Variants in SCARF1 observed in about 807,000 individuals in gnomAD.
SCARF1 encodes the protein acetyl LDL receptor.
In SCARF1, 49 loss-of-function variants were observed where a neutral mutation model predicts 76.3. The observed-to-expected ratio is 0.64, with a 90% confidence interval of 0.51 to 0.81. The LOEUF (loss-of-function observed/expected upper bound fraction) is 0.81. Ranked by LOEUF, SCARF1 falls within the 40% of genes least tolerant of loss-of-function variation. The pLI, the probability that SCARF1 is intolerant of heterozygous loss-of-function variation, is 0.00. For synonymous variants in SCARF1, 495 were observed against 474.6 expected (o/e 1.04, Z -0.56); for missense variants, 1,098 against 1,143.9 (o/e 0.96, Z 0.58).
chr17:1,644,531 T>C lies in SCARF1; in HGVS notation c.265+303A>G. ...CCACTGCCCATGTATAAGGTATATG[T>C]GGGAAAGGCAAGTAATACACTCATT... On this transcript the variant is annotated intron_variant, in intron 3 of 10. Coordinates refer to ENST00000263071, the MANE Select transcript of SCARF1 (RefSeq NM_003693.4). The surrounding 1 kb of genome is among the most constrained non-coding windows in gnomAD (Gnocchi z 4.8). 1.9e-6 allele frequency: 1 copy of C among 537,526 alleles called. No homozygotes were observed. The allele number at this position is 537,526 out of a possible 1,614,324, so 33.3% of individuals were successfully genotyped here.
At position 1,634,670 on chromosome 17, in the gene SCARF1, G is replaced by A. The variant is rs542511682; in HGVS notation, c.*88C>T. The A allele has an allele frequency of 6.8e-7, 1 of 1,477,042 alleles. No homozygotes were observed. The highest frequency in any genetic ancestry group is 1.8e-4 in the Middle Eastern group (1 of 5,520). 91.5% of individuals were successfully genotyped at this position (1,477,042 alleles called of 1,614,324 possible). A position where few individuals can be genotyped will look rare whatever the true frequency, so the allele number is the denominator to read the frequency against. ...TTCCCTGTGGAGGCGCAGAGGCTCT[G>A]GTTTGTCTGTCCTGGCCCCGGGATC... is the stretch of plus-strand genomic sequence containing the variant. On this transcript the variant is annotated 3_prime_UTR_variant, in exon 11 of 11. Transcript: ENST00000263071.
chr17:1,638,964 T>C (rs775464842), intron 7 of SCARF1, 38 bp from the exon 8 acceptor site: 12 of 1,546,246 alleles, frequency 7.8e-6, no homozygotes, highest in Non-Finnish European at 1.1e-5. Context: ...CAGGCCTTCC[T>C]GTCTCCTACA....
rs1037157785 is a variant in SCARF1, at chr17:1,645,053, G to A, written c.164-118C>T. On this transcript the variant is annotated intron_variant, in intron 2 of 10. Coordinates refer to ENST00000263071, the MANE Select transcript of SCARF1 (RefSeq NM_003693.4). The surrounding 1 kb of genome is among the most constrained non-coding windows in gnomAD (Gnocchi z 6.3). The stretch of plus-strand genomic sequence containing the variant: ...GAGGTGCCCCTTCAGGCCTGGGGGT[G>A]CGTCACAGGAGAAACCCTGACTCCT... 1.2e-5 allele frequency: 19 copies of A among 1,520,590 alleles called. No homozygotes were observed. Among genetic ancestry groups the A allele is most frequent in the African/African-American group, 5.5e-5 (4 of 73,000 alleles). The allele number at this position is 1,520,590 out of a possible 1,614,324, so 94.2% of individuals were successfully genotyped here.
At chr17:1,639,786 G>A (rs372867309) in intron 6 of SCARF1, 44 bp from the exon 7 acceptor site, 2 of 1,603,852 alleles carry the variant, frequency 1.2e-6, no homozygotes, top group South Asian at 1.1e-5. Context: ...TGGGTGAAGT[G>A]GGGGAGGCAG....
In SCARF1 at chr17:1,644,967, G is replaced by T; in HGVS notation, c.164-32C>A. ...GACACCCCACCCAGGTTGGAAAGACGGGAGCAGGACCAGGGGACACCCCTG... is the reference window on the plus strand; with the variant it reads ...GACACCCCACCCAGGTTGGAAAGACTGGAGCAGGACCAGGGGACACCCCTG... On this transcript the variant is annotated intron_variant, in intron 2 of 10. Coordinates refer to ENST00000263071, the MANE Select transcript of SCARF1 (RefSeq NM_003693.4). The surrounding 1 kb of genome is among the most constrained non-coding windows in gnomAD (Gnocchi z 4.8). The T allele has an allele frequency of 6.2e-7, 1 of 1,604,456 alleles. No individual in the cohort carries two copies.
In SCARF1 at chr17:1,640,020, G is replaced by A. The variant is rs528603099; in HGVS notation, c.1031C>T (p.Thr344Ile). ...GCCACAGTCTTCCCCAAAGGTACCA[G>A]TGGGGCAGGGGTCTTCACACCTGGG... ...LGPRCEDPCP[T>I]GTFGEDCGST... Residue 344 changes from threonine to isoleucine, a missense_variant, in exon 6 of 11, where the codon ACT (threonine) becomes ATT (isoleucine). Thr to Ile is a moderately conservative substitution (Grantham distance 89). Coordinates refer to ENST00000263071, the MANE Select transcript of SCARF1 (RefSeq NM_003693.4). The surrounding 1 kb of genome is among the most constrained non-coding windows in gnomAD (Gnocchi z 4.7). 8.7e-6 allele frequency: 14 copies of A among 1,613,664 alleles called. No individual in the cohort carries two copies. Among genetic ancestry groups the A allele is most frequent in the Non-Finnish European group, 1.1e-5 (13 of 1,179,970 alleles).
At position 1,643,685 on chromosome 17, in the gene SCARF1, G is replaced by A. The variant is rs1336750600; in HGVS notation, c.548C>T (p.Pro183Leu). ...GCTGCAGCGGCGCCCCCACCAGCCC[G>A]GCTTGCACACGCAGGCGCCCGTGGC... ...EQATGACVCK[P>L]GWWGRRCSFR... The change falls in exon 4 of 11, where the codon CCG becomes CTG. Residue 183 changes from proline to leucine, a missense_variant. Pro to Leu is a moderately conservative substitution (Grantham distance 98). Coordinates refer to ENST00000263071, the MANE Select transcript of SCARF1 (RefSeq NM_003693.4). The A allele has an allele frequency of 4.1e-6, 6 of 1,458,172 alleles. No individual in the cohort carries two copies. The highest frequency in any genetic ancestry group is 2.4e-4 in the Middle Eastern group (1 of 4,126). 90.3% of individuals were successfully genotyped at this position (1,458,172 alleles called of 1,614,324 possible). A position where few individuals can be genotyped will look rare whatever the true frequency, so the allele number is the denominator to read the frequency against.
Position 1,643,504 on chromosome 17 carries a change from G to A in SCARF1, c.729C>T (p.Phe243=). The A allele has an allele frequency of 7.4e-7, 1 of 1,347,332 alleles. No individual in the cohort carries two copies. The allele number at this position is 1,347,332 out of a possible 1,614,324, so 83.5% of individuals were successfully genotyped here. The change falls in exon 4 of 11, where the codon TTC becomes TTT. Residue 243 remains phenylalanine (F), a synonymous_variant. Transcript: ENST00000263071. ...ASGECTCPPG[F]RGARCELPCP... ...AGGGCAGCTCGCAGCGCGCTCCGCG[G>A]AAGCCGGGCGGGCAGGTGCACTCGC...
At chr17:1,635,785 C>CTTT (rs1555547214) in intron 10 of SCARF1, among the ~76,000 whole-genome samples, 168 bp from the exon 11 acceptor site, 2 of 146,850 alleles carry the variant, frequency 1.4e-5, no homozygotes, top group Admixed American at 6.7e-5. Context: ...TACTTCTACA[C>CTTT]TTTTTTTTTT....
Position 1,644,920 on chromosome 17 carries a change from G to C in SCARF1, c.179C>G (p.Pro60Arg). 1 of 1,613,154 alleles carries C rather than the reference G, an allele frequency of 6.2e-7. No individual in the cohort carries two copies. The highest frequency in any genetic ancestry group is 1.7e-4 in the Middle Eastern group (1 of 6,060). The change falls in exon 3 of 11, where the codon CCG becomes CGG. Residue 60 changes from proline (P) to arginine (R), a missense_variant. Coordinates refer to ENST00000263071, the MANE Select transcript of SCARF1 (RefSeq NM_003693.4). This position sits in a 1 kb window ranked among gnomAD's most constrained non-coding sequence, Gnocchi z 4.8. Reference protein sequence around the residue: ...QECTIPICEGPDACQKDEVCV... With the variant: ...QECTIPICEGRDACQKDEVCV... ...CACCTCGTCTTTCTGGCAGGCGTCC[G>C]GCCCCTCACAGATGGCTGAAAGACA...
At chr17:1,642,835 C>T (rs1910162040) in intron 4 of SCARF1, among the ~76,000 whole-genome samples, 1 of 152,132 alleles carries the variant, frequency 6.6e-6, no homozygotes, top group Non-Finnish European at 1.5e-5. Flanking sequence ...CTCAGCCTAC[C>T]GAATACCTGG....
rs1228096537 is a variant in SCARF1, at chr17:1,643,521, T to G, written c.712A>C (p.Thr238Pro). 2.2e-6 allele frequency: 3 copies of G among 1,386,932 alleles called. No homozygotes were observed. The highest frequency in any genetic ancestry group is 1.5e-5 in the African/African-American group (1 of 65,754). The allele number at this position is 1,386,932 out of a possible 1,614,324, so 85.9% of individuals were successfully genotyped here. The stretch of plus-strand genomic sequence containing the variant: ...GCTCCGCGGAAGCCGGGCGGGCAGG[T>G]GCACTCGCCGGAGGCGGCGCTGCAG... ...GRCSAASGECTCPPGFRGARC... is the reference protein window; with the variant it reads ...GRCSAASGECPCPPGFRGARC... Residue 238 changes from threonine to proline, a missense_variant, in exon 4 of 11, where the codon ACC (threonine) becomes CCC (proline). Physicochemically the swap from Thr to Pro is conservative, Grantham distance 38. Transcript: ENST00000263071.
chr17:1,640,641 G>A lies in SCARF1; in HGVS notation c.817C>T (p.Pro273Ser), dbSNP rs768864542. The change falls in exon 5 of 11, where the codon CCG becomes TCG. Residue 273 changes from proline (P) to serine (S), a missense_variant. Coordinates refer to ENST00000263071, the MANE Select transcript of SCARF1 (RefSeq NM_003693.4). This position sits in a 1 kb window ranked among gnomAD's most constrained non-coding sequence, Gnocchi z 4.7. ...HSCGRCKHNEPCSPDTGSCES... is the reference protein window; with the variant it reads ...HSCGRCKHNESCSPDTGSCES... Reference sequence around the variant, plus strand: ...CAGCTGCCTGTGTCTGGAGAGCACGGCTCATTGTGTTTGCAGCGGCCACAG... The same window carrying A: ...CAGCTGCCTGTGTCTGGAGAGCACGACTCATTGTGTTTGCAGCGGCCACAG... 1.9e-6 allele frequency: 3 copies of A among 1,612,530 alleles called. No individual in the cohort carries two copies. Among genetic ancestry groups the A allele is most frequent in the South Asian group, 2.2e-5 (2 of 90,810 alleles).
chr17:1,643,958 C>T lies in SCARF1; in HGVS notation c.275G>A (p.Gly92Asp). 1.5e-6 allele frequency: 2 copies of T among 1,335,630 alleles called. No individual in the cohort carries two copies. The highest frequency in any genetic ancestry group is 1.9e-5 in the South Asian group (1 of 52,462). The allele number at this position is 1,335,630 out of a possible 1,614,324, so 82.7% of individuals were successfully genotyped here. The change falls in exon 4 of 11, where the codon GGC becomes GAC. Residue 92 changes from glycine (G) to aspartate (D), a missense_variant. Coordinates refer to ENST00000263071, the MANE Select transcript of SCARF1 (RefSeq NM_003693.4). The part of the protein sequence containing the change: ...FGAHCSSRCP[G>D]QYWGPDCRES... ...ACGGCAGTCGGGGCCCCAGTACTGG[C>T]CCGGGCAGCCTGCGGGGGTGGGGAC... is the stretch of plus-strand genomic sequence containing the variant.
Position 1,638,824 on chromosome 17 carries a change from CG to C in SCARF1, c.1345del (p.Arg449AspfsTer18), listed in dbSNP as rs756091177. 6.2e-6 allele frequency: 10 copies of C among 1,608,856 alleles called. No individual in the cohort carries two copies. In the South Asian group the frequency reaches 6.6e-5, roughly 11 times the overall value. ...CGTTCACCTGTCCTTGAGGTCTGAT[CG>C]GGGGGCCCAGCAGCAGCAGGCACAG... Reference protein sequence around the residue: ...ACCACCCWAPRSDLKDRPARD... With the variant: ...ACCACCCWAPXSDLKDRPARD... On this transcript the variant is annotated frameshift_variant, in exon 8 of 11. Coordinates refer to ENST00000263071, the MANE Select transcript of SCARF1 (RefSeq NM_003693.4). LOFTEE classifies it high-confidence loss of function.
chr17:1,645,277 G>A lies in SCARF1; in HGVS notation c.102-38C>T. 6.2e-7 allele frequency: 1 copy of A among 1,607,588 alleles called. No homozygotes were observed. Among genetic ancestry groups the A allele is most frequent in the Non-Finnish European group, 8.5e-7 (1 of 1,177,666 alleles). On this transcript the variant is annotated intron_variant, in intron 1 of 10. Transcript: ENST00000263071. This position sits in a 1 kb window ranked among gnomAD's most constrained non-coding sequence, Gnocchi z 6.3. Reference sequence around the variant, plus strand: ...AAGGGGTCAGCCGGACATGGTGGGGGGTGCAGCCTGGCCCTGAGGAAGGTG... The same window carrying A: ...AAGGGGTCAGCCGGACATGGTGGGGAGTGCAGCCTGGCCCTGAGGAAGGTG...
chr17:1,640,686 G>A lies in SCARF1; in HGVS notation c.792-20C>T, dbSNP rs775154473. ...CCACAGCTGGGAAGAGAAGGGCTTC[G>A]TGGGAACAGTGGGGGTGGATGGATG... On this transcript the variant is annotated intron_variant, in intron 4 of 10. Coordinates refer to ENST00000263071, the MANE Select transcript of SCARF1 (RefSeq NM_003693.4). This position sits in a 1 kb window ranked among gnomAD's most constrained non-coding sequence, Gnocchi z 4.7. 44 of 1,600,372 alleles carry A rather than the reference G, an allele frequency of 2.7e-5. No individual in the cohort carries two copies. The highest frequency in any genetic ancestry group is 5.4e-5 in the African/African-American group (4 of 74,690).
In SCARF1 at chr17:1,643,795, GC is replaced by G; in HGVS notation, c.437del (p.Gly146AlafsTer221). 1 of 1,268,094 alleles carries G rather than the reference GC, an allele frequency of 7.9e-7. No individual in the cohort carries two copies. Among genetic ancestry groups the G allele is most frequent in the Non-Finnish European group, 9.9e-7 (1 of 1,010,186 alleles). The allele number at this position is 1,268,094 out of a possible 1,614,324, so 78.6% of individuals were successfully genotyped here. A position where few individuals can be genotyped will look rare whatever the true frequency, so the allele number is the denominator to read the frequency against. ...ACCAGCCGGGTTCGCAGTGGCACAC[GC>G]CGGTCGCGGGGTCGCAGCGCCCGTG... ...GPHGRCDPAT[G>X]VCHCEPGWWS... On this transcript the variant is annotated frameshift_variant, in exon 4 of 11. Coordinates refer to ENST00000263071, the MANE Select transcript of SCARF1 (RefSeq NM_003693.4). LOFTEE classifies it high-confidence loss of function.
In SCARF1 at chr17:1,645,424, C is replaced by G; in HGVS notation, c.101+173G>C. On this transcript the variant is annotated intron_variant, in intron 1 of 10. Transcript: ENST00000263071. The surrounding 1 kb of genome is among the most constrained non-coding windows in gnomAD (Gnocchi z 6.3). ...CTTCCCTGACCCTTCCACCATCTGCCCTGGCTGGCCACTACCTGCCAGACC... is the reference window on the plus strand; with the variant it reads ...CTTCCCTGACCCTTCCACCATCTGCGCTGGCTGGCCACTACCTGCCAGACC... The G allele has an allele frequency of 2.7e-6, 4 of 1,469,772 alleles. No homozygotes were observed. Among genetic ancestry groups the G allele is most frequent in the Non-Finnish European group, 3.7e-6 (4 of 1,095,170 alleles). The allele number at this position is 1,469,772 out of a possible 1,614,324, so 91.0% of individuals were successfully genotyped here.
Sources: gnomAD v4.1 joint callset for allele counts (sites outside exome capture counted in the v4.1 genomes callset) on GRCh38, gnomAD v4.1.1 for gene constraint, Gnocchi (gnomAD v3.1) non-coding constraint, MANE v1.5 for transcripts, NCBI Gene and HGNC (gene_info 2026-07-23, HGNC 2026-07-21) for gene names.